The following DCDC2C variants were observed in gnomAD, a reference collection of about 807,000 sequenced individuals.
DCDC2C encodes the protein doublecortin domain-containing protein 2C.
A neutral mutation model predicts 45.0 loss-of-function variants in DCDC2C; 44 were observed. The ratio of observed to expected loss-of-function variants is 0.98; its 90% CI spans 0.77 to 1.26. DCDC2C has a LOEUF of 1.26. Among genes scored for constraint, DCDC2C ranks in the 50% most tolerant of loss-of-function variants. The pLI is 0.00. For missense variants in DCDC2C, 447 were observed against 468.9 expected (o/e 0.95, Z 0.43); for synonymous variants, 187 against 178.8 (o/e 1.05, Z -0.37).
rs114370860 is a variant in DCDC2C, at chr2:3,709,251, C to A, written c.339+651C>A. Among the ~76,000 whole-genome samples the A allele has an allele frequency of 9.7e-3, 1,475 of 152,296 alleles. 24 individuals are homozygous for A. Among genetic ancestry groups the A allele is most frequent in the African/African-American group, 0.033 (1,385 of 41,540 alleles). ...TGAGGGTATCTACTTCTCTAAGTTG[C>A]AATGTTGCTGTTCTTAAATTTCCTC... On this transcript the variant is annotated intron_variant, in intron 2 of 10. Transcript: ENST00000399143.
chr2:3,742,180 C>A, intron 4 of DCDC2C, 132 bp downstream of exon 4: 1 of 1,102,086 alleles, frequency 9.1e-7, no homozygotes, highest in Non-Finnish European at 1.2e-6. Context: ...ATTCTTCAAG[C>A]AGATAGTATT....
intron 10 of DCDC2C, among the ~76,000 whole-genome samples, chr2:3,817,947 T>C (rs766965541): frequency 1.3e-5 from 2 of 152,072 alleles, no homozygotes; most frequent in Non-Finnish European, 2.9e-5. Flanking sequence ...AGTTGCTGTT[T>C]TGTAGAAGGG....
intron 10 of DCDC2C, among the ~76,000 whole-genome samples, chr2:3,843,840 G>C (rs1474926161): frequency 2.6e-5 from 4 of 152,088 alleles, no homozygotes; most frequent in Non-Finnish European, 4.4e-5. Context: ...TTTGATTCTA[G>C]CTTCTCTGAT....
intron 3 of DCDC2C, among the ~76,000 whole-genome samples, chr2:3,730,566 G>A (rs1668838675): frequency 1.3e-5 from 2 of 152,104 alleles, no homozygotes; most frequent in African/African-American, 2.4e-5. Flanking sequence ...CTTCTAGTGA[G>A]CAAAGGCAGC....
intron 10 of DCDC2C, among the ~76,000 whole-genome samples, chr2:3,838,454 G>GAA (rs1672134144): frequency 4.5e-5 from 3 of 66,054 alleles, no homozygotes; most frequent in South Asian, 1.6e-3. Flanking sequence ...GATCATGACA[G>GAA]AGAGAGAGAG....
chr2:3,753,841 A>G (rs138863701), intron 5 of DCDC2C, among the ~76,000 whole-genome samples: 4 of 152,322 alleles, frequency 2.6e-5, no homozygotes, highest in Non-Finnish European at 5.9e-5. Flanking sequence ...CCTGTCTGCC[A>G]AGGACGACCC....
At chr2:3,800,771 A>G (rs1558233959) in intron 10 of DCDC2C, among the ~76,000 whole-genome samples, 1 of 149,586 alleles carries the variant, frequency 6.7e-6, no homozygotes, top group Non-Finnish European at 1.5e-5. Context: ...TTTAAGTGAC[A>G]TTGGCATTTT....
intron 5 of DCDC2C, 49 bp downstream of exon 5, chr2:3,752,949 C>G (rs1400864973): frequency 5.9e-6 from 9 of 1,533,474 alleles, no homozygotes; most frequent in Non-Finnish European, 7.9e-6. Context: ...AAAAAATTAG[C>G]CTTTTCCCCA....
Position 3,813,067 on chromosome 2 carries a change from ATTTTTTT to A in DCDC2C, c.1065+27974_1065+27980del, listed in dbSNP as rs869244524. Among the ~76,000 whole-genome samples, 256 of 29,162 alleles carry A rather than the reference ATTTTTTT, an allele frequency of 8.8e-3. 15 individuals are homozygous for A. In the East Asian group the frequency reaches 0.097, roughly 11 times the overall value. 19.1% of individuals were successfully genotyped at this position (29,162 alleles called of 152,430 possible). A position where few individuals can be genotyped will look rare whatever the true frequency, so the allele number is the denominator to read the frequency against. On this transcript the variant is annotated intron_variant, in intron 10 of 10. Transcript: ENST00000399143. ...TATATATATATATATATATATATAT[ATTTTTTT>A]TTTTTTGCTGTTTTTGAGATGGAAT...
chr2:3,824,285 C>T (rs149858159), intron 10 of DCDC2C, among the ~76,000 whole-genome samples: 1,640 of 152,324 alleles, frequency 0.011, 38 homozygotes, highest in African/African-American at 0.037. Flanking sequence ...GCAAACTTCT[C>T]TGCAAAGTGC....
At chr2:3,788,470 A>G (rs1010220432) in intron 10 of DCDC2C, 4 of 152,214 alleles carry the variant, frequency 2.6e-5, no homozygotes, top group African/African-American at 9.7e-5. Flanking sequence ...TGCCGTAGTG[A>G]CAAGTTCCAG....
chr2:3,833,476 G>T (rs1045746661), intron 10 of DCDC2C, among the ~76,000 whole-genome samples: 1 of 152,202 alleles, frequency 6.6e-6, no homozygotes, highest in Non-Finnish European at 1.5e-5. Flanking sequence ...TACACGTTTT[G>T]TGTGCTGTGT....
intron 2 of DCDC2C, among the ~76,000 whole-genome samples, chr2:3,716,326 G>A (rs1250695424): frequency 6.6e-6 from 1 of 152,148 alleles, no homozygotes; most frequent in Admixed American, 6.5e-5. Flanking sequence ...TGGGTGATGA[G>A]AGACAGGGTG....
chr2:3,771,295 A>G (rs1407993668), intron 8 of DCDC2C, among the ~76,000 whole-genome samples: 2 of 152,206 alleles, frequency 1.3e-5, no homozygotes, highest in Admixed American at 6.5e-5. Flanking sequence ...GACATGCAGC[A>G]GGTGTTTCAC....
At chr2:3,785,207 G>A in intron 10 of DCDC2C, 107 bp downstream of exon 10, 8 of 865,972 alleles carry the variant, frequency 9.2e-6, no homozygotes, top group Non-Finnish European at 1.2e-5. Context: ...TTTTAGGAAT[G>A]TAACTTTTAT....
At chr2:3,764,874 T>A (rs1212425219) in intron 6 of DCDC2C, among the ~76,000 whole-genome samples, 1 of 152,192 alleles carries the variant, frequency 6.6e-6, no homozygotes. Flanking sequence ...TAAAGCACAT[T>A]TTTGGGACAA....
At chr2:3,824,956 G>A (rs934508958) in intron 10 of DCDC2C, among the ~76,000 whole-genome samples, 1 of 152,122 alleles carries the variant, frequency 6.6e-6, no homozygotes, top group South Asian at 2.1e-4. Context: ...AGAAGTGGAG[G>A]GTTTTATTCT....
intron 10 of DCDC2C, among the ~76,000 whole-genome samples, chr2:3,830,743 G>T (rs900581763): frequency 6.6e-6 from 1 of 152,170 alleles, no homozygotes; most frequent in Non-Finnish European, 1.5e-5. Context: ...ACGGTGGGTG[G>T]TTGTTTGAAC....
intron 10 of DCDC2C, chr2:3,788,669 A>G (rs1670718952): frequency 6.6e-6 from 1 of 152,194 alleles, no homozygotes; most frequent in East Asian, 1.9e-4. Context: ...GTTTCAGGAC[A>G]ATGTTATGCG....
Sources: gnomAD v4.1 joint callset for allele counts (sites outside exome capture counted in the v4.1 genomes callset) on GRCh38, gnomAD v4.1.1 for gene constraint, MANE v1.5 for transcripts, NCBI Gene and HGNC (gene_info 2026-07-23, HGNC 2026-07-21) for gene names.